The following PRKG1 variants were observed in gnomAD, a reference collection of about 807,000 sequenced individuals.
PRKG1 encodes cGMP-dependent protein kinase 1.
A neutral mutation model predicts 88.1 loss-of-function variants in PRKG1; 35 were observed. The ratio of observed to expected loss-of-function variants is 0.40; its 90% confidence interval spans 0.30 to 0.53. The LOEUF is 0.53. Ranked by LOEUF, PRKG1 falls within the 20% of genes least tolerant of loss-of-function variation. PRKG1 has a pLI of 0.59. For missense variants in PRKG1, 540 were observed against 839.8 expected, an observed-to-expected ratio of 0.64 and a Z score of 4.41; for synonymous variants, 303 against 292.5, an observed-to-expected ratio of 1.04 and a Z score of -0.37.
chr10:51,916,145 A>T (rs1186625486), intron 5 of PRKG1, among the ~76,000 whole-genome samples: 1 of 152,054 alleles, frequency 6.6e-6, no homozygotes, highest in Non-Finnish European at 1.5e-5. Context: ...TGAGCCTAAA[A>T]CCTACTGGGC....
At chr10:52,164,338 C>A (rs1472050262) in intron 9 of PRKG1, among the ~76,000 whole-genome samples, 1 of 150,186 alleles carries the variant, frequency 6.7e-6, no homozygotes, top group Non-Finnish European at 1.5e-5. Flanking sequence ...GCGACCAGAG[C>A]AAAACTCTGT....
intron 2 of PRKG1, among the ~76,000 whole-genome samples, chr10:51,450,542 A>G (rs1839405805): frequency 6.6e-6 from 1 of 152,058 alleles, no homozygotes; most frequent in Non-Finnish European, 1.5e-5. Flanking sequence ...ACTAACTTAC[A>G]TGCTTTTAAA....
chr10:52,251,491 G>A, intron 9 of PRKG1, 79 bp from the exon 10 acceptor site: 2 of 1,093,828 alleles, frequency 1.8e-6, no homozygotes, highest in South Asian at 2.6e-5. Flanking sequence ...CCACAGTCAT[G>A]TCATTCTGGT....
intron 10 of PRKG1, among the ~76,000 whole-genome samples, chr10:52,261,599 C>T (rs1841434430): frequency 6.6e-6 from 1 of 151,984 alleles, no homozygotes; most frequent in Admixed American, 6.6e-5. Context: ...CTCATTCAAA[C>T]ATGTGTCACT....
chr10:51,947,288 T>C (rs1486854684), intron 5 of PRKG1, among the ~76,000 whole-genome samples: 2 of 152,138 alleles, frequency 1.3e-5, no homozygotes, highest in African/African-American at 4.8e-5. Flanking sequence ...TATAATCTCC[T>C]GGTGCGCCGT....
chr10:52,062,620 A>G lies in PRKG1; in HGVS notation c.924A>G (p.Lys308=), dbSNP rs770453492. 10 of 1,602,728 alleles carry G rather than the reference A, an allele frequency of 6.2e-6. No individual in the cohort carries two copies. The South Asian group carries it at 1.1e-4, about 18-fold the overall frequency. ...GAAAAGGAGACTGGTTTGGAGAGAA[A>G]GCCTTGCAGGGGTAAGTAGATCATG... ...TLGKGDWFGE[K]ALQGEDVRTA... The change falls in exon 7 of 18, where the codon AAA becomes AAG. Residue 308 remains lysine, a synonymous_variant. Coordinates refer to ENST00000373980, the MANE Select transcript of PRKG1 (RefSeq NM_006258.4).
chr10:51,551,255 A>G (rs183447167), intron 3 of PRKG1, among the ~76,000 whole-genome samples: 2 of 151,962 alleles, frequency 1.3e-5, no homozygotes, highest in Admixed American at 6.6e-5. Flanking sequence ...CTTCTGATCG[A>G]TGCACAAGGA....
chr10:51,413,089 TG>T (rs1463104163), intron 2 of PRKG1, among the ~76,000 whole-genome samples: 10 of 152,234 alleles, frequency 6.6e-5, no homozygotes, highest in African/African-American at 2.4e-4. Context: ...TTTAGCTGAA[TG>T]GTGTGAGAAA....
At chr10:51,098,189 G>A (rs1051678386) in intron 1 of PRKG1, among the ~76,000 whole-genome samples, 3 of 152,130 alleles carry the variant, frequency 2.0e-5, no homozygotes, top group East Asian at 1.9e-4. Flanking sequence ...CCCTTGACAT[G>A]CAGCTGCGTT....
At chr10:51,300,280 C>T in intron 2 of PRKG1, among the ~76,000 whole-genome samples, 1 of 152,160 alleles carries the variant, frequency 6.6e-6, no homozygotes. Flanking sequence ...CTTTTCTTCT[C>T]TTTGGTTTTC....
intron 2 of PRKG1, among the ~76,000 whole-genome samples, chr10:51,392,870 A>C (rs1437179593): frequency 6.3e-4 from 54 of 85,852 alleles, no homozygotes; most frequent in Middle Eastern, 7.9e-3. Context: ...TGACCCCCCC[A>C]CCTCCCTCCC....
chr10:51,657,512 T>C (rs369062085), intron 3 of PRKG1, among the ~76,000 whole-genome samples: 5 of 152,112 alleles, frequency 3.3e-5, no homozygotes, highest in African/African-American at 9.7e-5. Flanking sequence ...TTAATAATTA[T>C]AAGAATCAAA....
chr10:52,126,851 T>G (rs1362012482), intron 7 of PRKG1, among the ~76,000 whole-genome samples: 1 of 152,190 alleles, frequency 6.6e-6, no homozygotes, highest in Non-Finnish European at 1.5e-5. Context: ...GTCAGTATAG[T>G]GCCTGGAAAG....
chr10:51,549,268 G>A lies in PRKG1; in HGVS notation c.592+81432G>A, dbSNP rs113420130. Reference sequence around the variant, plus strand: ...CCTCCCAAAGTAGCTGGGATTACAGGTGCGTGCCACCACGCCCAGCTAATT... The same window carrying A: ...CCTCCCAAAGTAGCTGGGATTACAGATGCGTGCCACCACGCCCAGCTAATT... On this transcript the variant is annotated intron_variant, in intron 3 of 17. Coordinates refer to ENST00000373980, the MANE Select transcript of PRKG1 (RefSeq NM_006258.4). Among the ~76,000 whole-genome samples, 457 of 151,396 alleles carry A rather than the reference G, an allele frequency of 3.0e-3. 2 individuals are homozygous for A. Among genetic ancestry groups the A allele is most frequent in the African/African-American group, 0.01 (431 of 41,340 alleles).
intron 5 of PRKG1, among the ~76,000 whole-genome samples, chr10:51,968,514 T>C (rs1246072197): frequency 1.3e-5 from 2 of 152,132 alleles, no homozygotes; most frequent in East Asian, 3.9e-4. Flanking sequence ...ATGGTGATGA[T>C]GGTATTAATA....
intron 3 of PRKG1, among the ~76,000 whole-genome samples, chr10:51,622,351 A>G (rs1839230068): frequency 6.6e-6 from 1 of 152,186 alleles, no homozygotes; most frequent in Admixed American, 6.5e-5. Context: ...CCAAGAAAGT[A>G]TTCTGCCTAC....
At chr10:51,918,328 G>C (rs1388229063) in intron 5 of PRKG1, among the ~76,000 whole-genome samples, 1 of 135,814 alleles carries the variant, frequency 7.4e-6, no homozygotes, top group Non-Finnish European at 1.6e-5. Flanking sequence ...ATATCGACTT[G>C]ACTTATTTTT....
intron 5 of PRKG1, among the ~76,000 whole-genome samples, chr10:52,036,103 A>G (rs1845602686): frequency 5.9e-5 from 9 of 152,132 alleles, no homozygotes; most frequent in Admixed American, 5.9e-4. Context: ...TTTGGGCTTG[A>G]TTGAAGTAAT....
chr10:51,564,353 A>T (rs1048629403), intron 3 of PRKG1, among the ~76,000 whole-genome samples: 1 of 152,132 alleles, frequency 6.6e-6, no homozygotes, highest in African/African-American at 2.4e-5. Flanking sequence ...CTATAGAGAG[A>T]AATAAAAAGG....
Sources: gnomAD v4.1 joint callset for allele counts (sites outside exome capture counted in the v4.1 genomes callset) on GRCh38, gnomAD v4.1.1 for gene constraint, MANE v1.5 for transcripts, NCBI Gene and HGNC (gene_info 2026-07-23, HGNC 2026-07-21) for gene names.